PGR: variants seen among roughly 807,000 people sequenced by gnomAD.
PGR encodes the protein progesterone receptor.
In PGR, 25 loss-of-function variants were observed where a neutral mutation model predicts 76.1. The ratio of observed to expected loss-of-function variants is 0.33; its 90% CI spans 0.24 to 0.46. The LOEUF (loss-of-function observed/expected upper bound fraction) is 0.46. PGR is among the 20% of genes least tolerant of loss of function. PGR has a pLI of 1.00. For missense variants in PGR, 1,172 were observed against 1,225.3 expected (o/e 0.96, Z 0.65); for synonymous variants, 579 against 535.0 (o/e 1.08, Z -1.14).
At position 101,036,445 on chromosome 11, in the gene PGR, T is replaced by C; in HGVS notation, c.*2671A>G. 5.0e-6 allele frequency: 1 copy of C among 200,672 alleles called. No homozygotes were observed. The highest frequency in any genetic ancestry group is 1.0e-5 in the Non-Finnish European group (1 of 97,364). 12.4% of individuals were successfully genotyped at this position (200,672 alleles called of 1,614,324 possible). A position where few individuals can be genotyped will look rare whatever the true frequency, so the allele number is the denominator to read the frequency against. Reference sequence around the variant, plus strand: ...AATCTATTTCAGTAACCTTCAAGTATTTCCTGATATGTAACCTGTCTTCTT... The same window carrying C: ...AATCTATTTCAGTAACCTTCAAGTACTTCCTGATATGTAACCTGTCTTCTT... On this transcript the variant is annotated 3_prime_UTR_variant, in exon 8 of 8. Transcript: ENST00000325455.
chr11:101,073,605 G>A (rs1381205140), intron 3 of PGR, among the ~76,000 whole-genome samples: 1 of 151,770 alleles, frequency 6.6e-6, no homozygotes, highest in Non-Finnish European at 1.5e-5. Context: ...ATAAAGAAGG[G>A]AGAGAAGAAT....
intron 2 of PGR, among the ~76,000 whole-genome samples, chr11:101,101,867 T>A (rs1230289729): frequency 6.6e-6 from 1 of 152,176 alleles, no homozygotes; most frequent in African/African-American, 2.4e-5. Context: ...ACACAGTAAA[T>A]ACTGAGAGAG....
chr11:101,119,844 A>G (rs374209147), intron 2 of PGR, among the ~76,000 whole-genome samples: 1 of 152,222 alleles, frequency 6.6e-6, no homozygotes, highest in East Asian at 1.9e-4. Flanking sequence ...GTCTAGGAAA[A>G]CAGCACAGAA....
intron 3 of PGR, among the ~76,000 whole-genome samples, chr11:101,085,286 C>G (rs1054441299): frequency 1.3e-5 from 2 of 151,932 alleles, no homozygotes; most frequent in Admixed American, 6.6e-5. Flanking sequence ...TCAAGAAGAT[C>G]TGTACAAACC....
intron 5 of PGR, 67 bp from the exon 6 acceptor site, chr11:101,050,126 G>C: frequency 6.5e-7 from 1 of 1,534,426 alleles, no homozygotes; most frequent in Non-Finnish European, 9.0e-7. Context: ...AGCCAGTTTA[G>C]GTAATTTATC....
At chr11:101,098,814 A>G (rs555653) in intron 2 of PGR, among the ~76,000 whole-genome samples, 66,522 of 152,106 alleles carry the variant, frequency 0.44, 14,872 homozygotes, top group Non-Finnish European at 0.47. Context: ...ACCTTAAAAG[A>G]CTGCCTTAGC....
chr11:101,029,870 A>T lies in PGR; in HGVS notation c.*9246T>A, dbSNP rs1012719883. On this transcript the variant is annotated 3_prime_UTR_variant, in exon 8 of 8. Transcript: ENST00000325455. Reference sequence around the variant, plus strand: ...ATATTAGCTTGAAAATAAGTATATGATGATGATATTAGGTGCCCACTAGCA... The same window carrying T: ...ATATTAGCTTGAAAATAAGTATATGTTGATGATATTAGGTGCCCACTAGCA... 3 of 222,388 alleles carry T rather than the reference A, an allele frequency of 1.3e-5. No individual in the cohort carries two copies. Among genetic ancestry groups the T allele is most frequent in the African/African-American group, 4.5e-5 (2 of 44,804 alleles). The allele number at this position is 222,388 out of a possible 1,614,324, so 13.8% of individuals were successfully genotyped here. A position where few individuals can be genotyped will look rare whatever the true frequency, so the allele number is the denominator to read the frequency against.
intron 6 of PGR, among the ~76,000 whole-genome samples, chr11:101,047,011 G>C (rs1859910927): frequency 6.6e-6 from 1 of 152,150 alleles, no homozygotes; most frequent in Non-Finnish European, 1.5e-5. Flanking sequence ...AATCTCATTA[G>C]AATCTTGATT....
intron 2 of PGR, among the ~76,000 whole-genome samples, chr11:101,121,124 G>T (rs1265425098): frequency 6.6e-6 from 1 of 152,148 alleles, no homozygotes; most frequent in African/African-American, 2.4e-5. Flanking sequence ...AGCTTGAAAA[G>T]AAATTGGATA....
chr11:101,113,806 C>A (rs1213910440), intron 2 of PGR, among the ~76,000 whole-genome samples: 1 of 152,140 alleles, frequency 6.6e-6, no homozygotes, highest in Non-Finnish European at 1.5e-5. Context: ...TTCTCACAGG[C>A]ATCTACTCTC....
At chr11:101,104,599 T>C (rs1453902296) in intron 2 of PGR, among the ~76,000 whole-genome samples, 1 of 152,194 alleles carries the variant, frequency 6.6e-6, no homozygotes, top group African/African-American at 2.4e-5. Flanking sequence ...TGTTATTTCC[T>C]GCTCTTTATG....
rs977875994 is a variant in PGR at position 101,034,316 on chromosome 11, A to G, written c.*4800T>C. The G allele has an allele frequency of 1.8e-5, 4 of 219,568 alleles. No homozygotes were observed. The highest frequency in any genetic ancestry group is 9.0e-5 in the African/African-American group (4 of 44,508). The allele number at this position is 219,568 out of a possible 1,614,324, so 13.6% of individuals were successfully genotyped here. On this transcript the variant is annotated 3_prime_UTR_variant, in exon 8 of 8. Transcript: ENST00000325455. ...ACAGTCTTCCAGACTCCACAGCTGC[A>G]TAAGGCTGCGGACAAGCTTGGGCGC...
At chr11:101,059,842 C>CA (rs781123527) in intron 4 of PGR, among the ~76,000 whole-genome samples, 2,515 of 62,666 alleles carry the variant, frequency 0.04, 129 homozygotes, top group Middle Eastern at 0.11. Context: ...GACCCTCTCT[C>CA]AAAAAAAAAA....
In PGR at chr11:101,034,060, C is replaced by A. The variant is rs774222069; in HGVS notation, c.*5056G>T. ...TTAATAATCTGTGCATTTTCTTTAC[C>A]GTAATGGACAGAGTATGCTTTCTTA... On this transcript the variant is annotated 3_prime_UTR_variant, in exon 8 of 8. Coordinates refer to ENST00000325455, the MANE Select transcript of PGR (RefSeq NM_000926.4). 1 of 231,174 alleles carries A rather than the reference C, an allele frequency of 4.3e-6. No homozygotes were observed. The highest frequency in any genetic ancestry group is 2.2e-5 in the African/African-American group (1 of 45,300). 14.3% of individuals were successfully genotyped at this position (231,174 alleles called of 1,614,324 possible).
At chr11:101,116,849 A>G (rs1285515734) in intron 2 of PGR, among the ~76,000 whole-genome samples, 1 of 151,894 alleles carries the variant, frequency 6.6e-6, no homozygotes, top group Non-Finnish European at 1.5e-5. Flanking sequence ...CTCTATACCT[A>G]GCAAGATCAA....
At chr11:101,084,893 G>C (rs1002004463) in intron 3 of PGR, among the ~76,000 whole-genome samples, 2 of 152,260 alleles carry the variant, frequency 1.3e-5, no homozygotes, top group Non-Finnish European at 1.5e-5. Context: ...TAACGATAAA[G>C]AGTTCAATAA....
chr11:101,128,615 C>G lies in PGR; in HGVS notation c.456G>C (p.Pro152=). The stretch of plus-strand genomic sequence containing the variant: ...ACACCCGCTGGGTGGCGGGGGCAGC[C>G]GGTGGATCTTCGGGAAGTTCGGGGC... The part of the protein sequence containing the change: ...LFGPELPEDP[P]AAPATQRVLS... Residue 152 remains proline (P), a synonymous_variant, in exon 1 of 8, where the codon CCG becomes CCC. Coordinates refer to ENST00000325455, the MANE Select transcript of PGR (RefSeq NM_000926.4). 6.3e-7 allele frequency: 1 copy of G among 1,589,930 alleles called. No homozygotes were observed.
chr11:101,082,447 A>G (rs539807138), intron 3 of PGR, among the ~76,000 whole-genome samples: 2 of 152,292 alleles, frequency 1.3e-5, no homozygotes, highest in Admixed American at 1.3e-4. Context: ...CAGAAGACAG[A>G]AAGATATGGG....
At position 101,032,979 on chromosome 11, in the gene PGR, A is replaced by G; in HGVS notation, c.*6137T>C. ...AATTTAATGTTTTAGAGAGCCCTCC[A>G]TGTAACTTTTGTAAATCATATTTAA... On this transcript the variant is annotated 3_prime_UTR_variant, in exon 8 of 8. Coordinates refer to ENST00000325455, the MANE Select transcript of PGR (RefSeq NM_000926.4). 1 of 187,964 alleles carries G rather than the reference A, an allele frequency of 5.3e-6. No individual in the cohort carries two copies. The highest frequency in any genetic ancestry group is 1.1e-5 in the Non-Finnish European group (1 of 89,234). 11.6% of individuals were successfully genotyped at this position (187,964 alleles called of 1,614,324 possible).
Sources: allele counts gnomAD v4.1 joint callset (sites outside exome capture counted in the v4.1 genomes callset), GRCh38; gene constraint gnomAD v4.1.1; transcripts MANE v1.5; gene names NCBI Gene and HGNC (gene_info 2026-07-23, HGNC 2026-07-21).